ZSCAN18: variants seen among roughly 807,000 people sequenced by gnomAD.
The protein encoded by ZSCAN18 is zinc finger and SCAN domain-containing protein 18.
A neutral mutation model predicts 31.1 loss-of-function variants in ZSCAN18; 16 were observed. The observed-to-expected ratio is 0.51, with a 90% CI of 0.35 to 0.78. The LOEUF (loss-of-function observed/expected upper bound fraction) is 0.78, where lower values mean the gene tolerates loss of function less well. Ranked by LOEUF, ZSCAN18 falls within the 30% of genes least tolerant of loss-of-function variation. ZSCAN18 has a pLI of 0.01. For missense variants in ZSCAN18, 731 were observed against 697.4 expected, an observed-to-expected ratio of 1.05 and a Z score of -0.54; for synonymous variants, 375 against 320.7, an observed-to-expected ratio of 1.17 and a Z score of -1.81.
upstream of ZSCAN18, among the ~76,000 whole-genome samples, chr19:58,100,857 A>G (rs2074587770): frequency 6.6e-6 from 1 of 152,006 alleles, no homozygotes; most frequent in Non-Finnish European, 1.5e-5. Flanking sequence ...CCTGGGCAAA[A>G]GAGCAAAACT....
chr19:58,084,334 GA>G lies in ZSCAN18; in HGVS notation c.*350del. 1 of 223,534 alleles carries G rather than the reference GA, an allele frequency of 4.5e-6. No individual in the cohort carries two copies. Among genetic ancestry groups the G allele is most frequent in the Non-Finnish European group, 8.7e-6 (1 of 114,616 alleles). 13.8% of individuals were successfully genotyped at this position (223,534 alleles called of 1,614,324 possible). ...GGAGGAATCGGGGCAAGGGTGACTT[GA>G]AGAAAGCACTGGCAGATCACGCACT... On this transcript the variant is annotated 3_prime_UTR_variant, in exon 7 of 7. Transcript: ENST00000601144. This position sits in a 1 kb window ranked among gnomAD's most constrained non-coding sequence, Gnocchi z 4.5.
chr19:58,089,132 T>C (rs2145978502), intron 2 of ZSCAN18, among the ~76,000 whole-genome samples: 1 of 147,670 alleles, frequency 6.8e-6, no homozygotes, highest in South Asian at 2.2e-4. Context: ...TGAAACCCCG[T>C]CTCTACTAAA....
At chr19:58,106,788 C>A (rs1165352071) in intron 1 of ZSCAN18, among the ~76,000 whole-genome samples, 3 of 150,856 alleles carry the variant, frequency 2.0e-5, no homozygotes, top group Non-Finnish European at 2.9e-5. Flanking sequence ...TGAAATGGAG[C>A]CTCCTTCTGT....
chr19:58,088,587 C>A, intron 3 of ZSCAN18, 101 bp downstream of exon 3: 6 of 1,270,696 alleles, frequency 4.7e-6, no homozygotes, highest in Non-Finnish European at 6.5e-6. Flanking sequence ...CATGGAGCCC[C>A]TGACTCCCTG....
At chr19:58,086,868 G>A in intron 5 of ZSCAN18, 38 bp downstream of exon 5, 2 of 1,522,948 alleles carry the variant, frequency 1.3e-6, no homozygotes, top group Non-Finnish European at 1.8e-6. Context: ...GGAAGGGGAT[G>A]GGGAGTGGGG....
chr19:58,089,554 A>G (rs933908628), intron 2 of ZSCAN18, among the ~76,000 whole-genome samples: 1 of 152,184 alleles, frequency 6.6e-6, no homozygotes, highest in African/African-American at 2.4e-5. Flanking sequence ...TGAACCCAGG[A>G]GGTGGAGGTT....
chr19:58,088,871 G>A, intron 2 of ZSCAN18, 34 bp from the exon 3 acceptor site: 1 of 1,590,680 alleles, frequency 6.3e-7, no homozygotes, highest in Non-Finnish European at 8.6e-7. Context: ...GACCCCAAGA[G>A]GTCAGGACAC....
At chr19:58,092,364 CAGG>C (rs1043689307) in intron 1 of ZSCAN18, 2 of 152,136 alleles carry the variant, frequency 1.3e-5, no homozygotes, top group Non-Finnish European at 2.9e-5. Flanking sequence ...CACCTGAGGT[CAGG>C]AGTTCGAGAC....
At position 58,086,228 on chromosome 19, in the gene ZSCAN18, C is replaced by G; in HGVS notation, c.784G>C (p.Asp262His). 6.2e-7 allele frequency: 1 copy of G among 1,613,936 alleles called. No individual in the cohort carries two copies. Among genetic ancestry groups the G allele is most frequent in the South Asian group, 1.1e-5 (1 of 91,066 alleles). Residue 262 changes from aspartate to histidine, a missense_variant, in exon 6 of 7, where the codon GAC (aspartate) becomes CAC (histidine). Asp to His is a moderately conservative substitution (Grantham distance 81, BLOSUM62 -1). Coordinates refer to ENST00000601144, the MANE Select transcript of ZSCAN18 (RefSeq NM_001145543.2). Reference sequence around the variant, plus strand: ...TCCACCAACCGGAGTTCCTCAGTGTCCAGCCTGGAGGCAGCGTCAGGCTGG... The same window carrying G: ...TCCACCAACCGGAGTTCCTCAGTGTGCAGCCTGGAGGCAGCGTCAGGCTGG... ...LSQPDAASRL[D>H]TEELRLVERD... is the part of the protein sequence containing the mutation.
intron 6 of ZSCAN18, 127 bp downstream of exon 6, chr19:58,086,047 G>T: frequency 1.4e-6 from 1 of 723,046 alleles, no homozygotes; most frequent in Non-Finnish European, 2.4e-6. Context: ...ACACGGTGGT[G>T]GGAGAATGGT....
At chr19:58,110,814 C>A (rs1281307982) in intron 1 of ZSCAN18, among the ~76,000 whole-genome samples, 1 of 152,204 alleles carries the variant, frequency 6.6e-6, no homozygotes, top group African/African-American at 2.4e-5. Flanking sequence ...GATGTATTTT[C>A]ATGAGTGTTC....
chr19:58,087,778 G>T (rs1480170461), intron 3 of ZSCAN18: 3 of 178,870 alleles, frequency 1.7e-5, no homozygotes, highest in South Asian at 1.1e-4. Context: ...CTCCCAAGTA[G>T]CTGGGACTAA....
chr19:58,095,401 G>A (rs556375772), intron 1 of ZSCAN18, among the ~76,000 whole-genome samples: 4 of 152,304 alleles, frequency 2.6e-5, no homozygotes, highest in African/African-American at 7.2e-5. Flanking sequence ...ATAGAGGCAC[G>A]AGGCAGGCAA....
Position 58,085,071 on chromosome 19 carries a change from C to G in ZSCAN18, c.1147G>C (p.Glu383Gln). Residue 383 changes from glutamate (E) to glutamine (Q), a missense_variant, in exon 7 of 7, where the codon GAG becomes CAG. Around this residue, in one of 4 missense-constraint regions of ZSCAN18, gnomAD observed 597 missense variants for 499.5 expected, o/e 1.20. Coordinates refer to ENST00000601144, the MANE Select transcript of ZSCAN18 (RefSeq NM_001145543.2). ...CTGTCGCCGGAGCTAGAGACGCCCTCGAGGCTCTGCCCGTCCCCATCCTCG... is the reference window on the plus strand; with the variant it reads ...CTGTCGCCGGAGCTAGAGACGCCCTGGAGGCTCTGCCCGTCCCCATCCTCG... ...HPEDGDGQSL[E>Q]GVSSSGDSAG... is the part of the protein sequence containing the mutation. The G allele has an allele frequency of 1.2e-6, 2 of 1,601,890 alleles. No homozygotes were observed. Among genetic ancestry groups the G allele is most frequent in the Non-Finnish European group, 1.7e-6 (2 of 1,173,190 alleles).
At chr19:58,104,410 A>G (rs1441766913) in intron 1 of ZSCAN18, among the ~76,000 whole-genome samples, 1 of 147,364 alleles carries the variant, frequency 6.8e-6, no homozygotes, top group Admixed American at 6.7e-5. Context: ...AACAAAAAAA[A>G]AGTCTGGGCC....
At chr19:58,098,748 A>C (rs769294140), upstream of ZSCAN18, among the ~76,000 whole-genome samples, 6 of 152,260 alleles carry the variant, frequency 3.9e-5, no homozygotes, top group Non-Finnish European at 5.9e-5. Flanking sequence ...AGAGAGACCC[A>C]GAGAAAAGGA....
At position 58,086,250 on chromosome 19, in the gene ZSCAN18, C is replaced by T; in HGVS notation, c.762G>A (p.Gln254=). ...TGTCCAGCCTGGAGGCAGCGTCAGG[C>T]TGGGAAAGCTGATACCCTGAGTGGG... ...KLLLWGYQLS[Q]PDAASRLDTE... The change falls in exon 6 of 7, where the codon CAG becomes CAA. Residue 254 remains glutamine (Q), a synonymous_variant. Transcript: ENST00000601144. 6.2e-7 allele frequency: 1 copy of T among 1,613,920 alleles called. No homozygotes were observed. The highest frequency in any genetic ancestry group is 8.5e-7 in the Non-Finnish European group (1 of 1,179,910).
intron 1 of ZSCAN18, among the ~76,000 whole-genome samples, chr19:58,096,523 C>T (rs375519346): frequency 6.6e-6 from 1 of 152,212 alleles, no homozygotes; most frequent in Non-Finnish European, 1.5e-5. Flanking sequence ...GCTGAGGGGT[C>T]CCAAGCCTGG....
intron 6 of ZSCAN18, 141 bp from the exon 7 acceptor site, chr19:58,085,520 G>GC: frequency 1.4e-6 from 1 of 725,850 alleles, no homozygotes; most frequent in Non-Finnish European, 2.2e-6. Context: ...TTTGGAAGCA[G>GC]CGCTGTCCCT....
Sources: gnomAD v4.1 joint callset for allele counts (sites outside exome capture counted in the v4.1 genomes callset) on GRCh38, gnomAD v4.1.1 for gene constraint, gnomAD v4.1.1 regional missense constraint, Gnocchi (gnomAD v3.1) non-coding constraint, MANE v1.5 for transcripts, NCBI Gene and HGNC (gene_info 2026-07-23, HGNC 2026-07-21) for gene names.